The following FANCC variants were observed in gnomAD, a reference collection of about 807,000 sequenced individuals.
The protein encoded by FANCC is FA complementation group C, also known as Fanconi anemia group C protein.
FANCC carries 55 observed loss-of-function variants against 71.3 expected under a neutral mutation model. The ratio of observed to expected loss-of-function variants is 0.77; its 90% confidence interval spans 0.62 to 0.97. The LOEUF is 0.97. FANCC is among the 50% of genes least tolerant of loss of function. The pLI is 0.00. For synonymous variants in FANCC, 275 were observed against 244.9 expected (o/e 1.12, Z -1.15); for missense variants, 678 against 670.9 (o/e 1.01, Z -0.12).
chr9:95,173,836 C>T (rs545374359), intron 4 of FANCC, among the ~76,000 whole-genome samples: 8 of 151,990 alleles, frequency 5.3e-5, no homozygotes, highest in Admixed American at 3.3e-4. Flanking sequence ...GAGGATCACT[C>T]GAGCTCCAGA....
intron 8 of FANCC, among the ~76,000 whole-genome samples, chr9:95,129,754 T>A (rs1826599051): frequency 6.6e-6 from 1 of 152,170 alleles, no homozygotes; most frequent in Non-Finnish European, 1.5e-5. Context: ...TTCAATAACA[T>A]GAGTCTTGTC....
chr9:95,188,482 A>G (rs1826871713), intron 4 of FANCC, among the ~76,000 whole-genome samples: 1 of 152,200 alleles, frequency 6.6e-6, no homozygotes, highest in South Asian at 2.1e-4. Context: ...ACAAGCCTAC[A>G]ACTTACACTG....
chr9:95,140,476 A>AAAAC (rs1564686131), intron 7 of FANCC, among the ~76,000 whole-genome samples: 5 of 151,752 alleles, frequency 3.3e-5, no homozygotes, highest in East Asian at 3.9e-4. Context: ...ATAGCTACAA[A>AAAAC]AAAACAAAAC....
At chr9:95,294,348 A>G in intron 1 of FANCC, 2 of 1,588,736 alleles carry the variant, frequency 1.3e-6, no homozygotes, top group Non-Finnish European at 1.7e-6. Flanking sequence ...CACTGGACAC[A>G]GAGACTCAAA....
At chr9:95,226,477 C>G (rs903037618) in intron 4 of FANCC, among the ~76,000 whole-genome samples, 2 of 152,080 alleles carry the variant, frequency 1.3e-5, no homozygotes, top group African/African-American at 4.8e-5. Context: ...CCCAGGAACA[C>G]GGCAGACAGG....
intron 13 of FANCC, among the ~76,000 whole-genome samples, chr9:95,109,982 A>G (rs2071775126): frequency 6.6e-6 from 1 of 152,204 alleles, no homozygotes; most frequent in South Asian, 2.1e-4. Context: ...GGCACCAGCA[A>G]GGAAGGGGCT....
intron 6 of FANCC, among the ~76,000 whole-genome samples, chr9:95,160,497 T>G (rs1830680342): frequency 6.6e-6 from 1 of 152,164 alleles, no homozygotes; most frequent in South Asian, 2.1e-4. Flanking sequence ...CTTAGGATTG[T>G]CTTGGCAATG....
Position 95,311,229 on chromosome 9 carries a change from G to A in FANCC, c.-79+6297C>T, listed in dbSNP as rs538914866. On this transcript the variant is annotated intron_variant, in intron 1 of 14. Coordinates refer to ENST00000289081, the MANE Select transcript of FANCC (RefSeq NM_000136.3). ...AGCCCGGGAGACAGAGTGAGATTCCGTCTCAAAAAAAAAAAAAAAAAAAAA... is the reference window on the plus strand; with the variant it reads ...AGCCCGGGAGACAGAGTGAGATTCCATCTCAAAAAAAAAAAAAAAAAAAAA... Among the ~76,000 whole-genome samples the A allele has an allele frequency of 1.6e-4, 16 of 102,264 alleles. No homozygotes were observed. The East Asian group carries it at 2.8e-3, about 18-fold the overall frequency. The allele number at this position is 102,264 out of a possible 152,430, so 67.1% of individuals were successfully genotyped here. A position where few individuals can be genotyped will look rare whatever the true frequency, so the allele number is the denominator to read the frequency against.
At chr9:95,115,691 G>C (rs754093609) in intron 11 of FANCC, among the ~76,000 whole-genome samples, 1 of 152,202 alleles carries the variant, frequency 6.6e-6, no homozygotes, top group Non-Finnish European at 1.5e-5. Context: ...AGGAAGGTAA[G>C]GCGAGTGATG....
intron 1 of FANCC, among the ~76,000 whole-genome samples, chr9:95,302,286 A>G (rs961039784): frequency 2.0e-5 from 3 of 152,186 alleles, no homozygotes; most frequent in Non-Finnish European, 4.4e-5. Context: ...AGAAAGAAAC[A>G]CAAGTTTTAA....
At chr9:95,192,645 A>G (rs1056760309) in intron 4 of FANCC, among the ~76,000 whole-genome samples, 1 of 152,222 alleles carries the variant, frequency 6.6e-6, no homozygotes, top group Non-Finnish European at 1.5e-5. Flanking sequence ...TGACTATCAA[A>G]TTTTTAAAAT....
At chr9:95,201,595 T>C (rs1018495690) in intron 4 of FANCC, among the ~76,000 whole-genome samples, 3 of 152,122 alleles carry the variant, frequency 2.0e-5, no homozygotes, top group African/African-American at 7.2e-5. Context: ...ATTTCCTTTT[T>C]CAGTGAAAAA....
At chr9:95,314,999 A>C (rs1835656604) in intron 1 of FANCC, among the ~76,000 whole-genome samples, 1 of 152,264 alleles carries the variant, frequency 6.6e-6, no homozygotes, top group African/African-American at 2.4e-5. Flanking sequence ...GAACCGCCAA[A>C]ACAATTTTGA....
At position 95,111,560 on chromosome 9, in the gene FANCC, A is replaced by C; in HGVS notation, c.1232T>G (p.Leu411Ter). 6.2e-7 allele frequency: 1 copy of C among 1,614,168 alleles called. No individual in the cohort carries two copies. The highest frequency in any genetic ancestry group is 8.5e-7 in the Non-Finnish European group (1 of 1,180,036). Residue 411 changes from leucine (L) to a stop codon, truncating the protein, a stop_gained, in exon 13 of 15, where the codon TTA becomes TGA. Coordinates refer to ENST00000289081, the MANE Select transcript of FANCC (RefSeq NM_000136.3). LOFTEE classifies it high-confidence loss of function. ...GGWAEMVAEQ[L>*]LMSAAEPPTA... ...GGGGGGTTCGGCTGCCGACATCAGT[A>C]ATTGCTCTGCCACCATCTCAGCCCA...
chr9:95,103,732 G>C (rs2071231669), intron 14 of FANCC, among the ~76,000 whole-genome samples: 1 of 152,208 alleles, frequency 6.6e-6, no homozygotes, highest in African/African-American at 2.4e-5. Context: ...GGGACAGCCG[G>C]GGAGTGGGCC....
intron 1 of FANCC, among the ~76,000 whole-genome samples, chr9:95,258,711 A>G (rs1831826119): frequency 6.6e-6 from 1 of 152,224 alleles, no homozygotes; most frequent in Admixed American, 6.5e-5. Context: ...AAGATAAAGA[A>G]ATAAAGCATA....
intron 4 of FANCC, among the ~76,000 whole-genome samples, chr9:95,195,718 CTAAGT>C (rs532910457): frequency 7.1e-4 from 108 of 152,324 alleles, no homozygotes; most frequent in African/African-American, 2.4e-3. Flanking sequence ...GACATCTTTA[CTAAGT>C]TGAGTCTTCA....
At chr9:95,128,184 A>C (rs1380321512) in intron 8 of FANCC, among the ~76,000 whole-genome samples, 2 of 152,244 alleles carry the variant, frequency 1.3e-5, no homozygotes, top group African/African-American at 4.8e-5. Context: ...CACCGGATAT[A>C]AGCACGGAAA....
At chr9:95,210,530 A>T (rs906113468) in intron 4 of FANCC, among the ~76,000 whole-genome samples, 2 of 152,194 alleles carry the variant, frequency 1.3e-5, no homozygotes, top group African/African-American at 4.8e-5. Context: ...ACACACACAC[A>T]TACACATACA....
Sources: allele counts gnomAD v4.1 joint callset (sites outside exome capture counted in the v4.1 genomes callset), GRCh38; gene constraint gnomAD v4.1.1; transcripts MANE v1.5; gene names NCBI Gene and HGNC (gene_info 2026-07-23, HGNC 2026-07-21).